Variants in CCBE1 observed in about 807,000 individuals in gnomAD.
The protein encoded by CCBE1 is collagen and calcium binding EGF domains 1, also known as collagen and calcium-binding EGF domain-containing protein 1.
CCBE1 carries 37 observed loss-of-function variants against 50.0 expected under a neutral mutation model. The observed-to-expected ratio is 0.74, with a 90% CI of 0.57 to 0.97. The LOEUF (loss-of-function observed/expected upper bound fraction) is 0.97, where lower values mean the gene tolerates loss of function less well. Ranked by LOEUF, CCBE1 falls within the 50% of genes least tolerant of loss-of-function variation. The pLI, the probability that CCBE1 is intolerant of heterozygous loss-of-function variation, is 0.00. For synonymous variants in CCBE1, 234 were observed against 203.7 expected, an observed-to-expected ratio of 1.15 and a Z score of -1.27; for missense variants, 538 against 523.8, an observed-to-expected ratio of 1.03 and a Z score of -0.26.
intron 2 of CCBE1, among the ~76,000 whole-genome samples, chr18:59,675,699 A>T (rs537064186): frequency 6.6e-6 from 1 of 152,230 alleles, no homozygotes; most frequent in East Asian, 1.9e-4. Flanking sequence ...GTTGGCCCAG[A>T]GTTTAGAAAC....
At chr18:59,694,630 G>A (rs898917599) in intron 2 of CCBE1, among the ~76,000 whole-genome samples, 20 of 152,170 alleles carry the variant, frequency 1.3e-4, no homozygotes, top group East Asian at 1.9e-4. Context: ...CATGCTGTGC[G>A]GCTGGTTTCC....
intron 2 of CCBE1, among the ~76,000 whole-genome samples, chr18:59,648,900 C>T (rs17836348): frequency 0.32 from 48,701 of 152,050 alleles, 8,112 homozygotes; most frequent in East Asian, 0.55. Flanking sequence ...TTTAGCTCCT[C>T]TCAGAGATGC....
rs1269362353 is a variant in CCBE1, at chr18:59,527,269, C to CT, written c.213-47032dup. Reference sequence around the variant, plus strand: ...TATGTAATGCCCTTTGTCTTTTTTTCTTTTTTTATCTCTGTTGGTTTGAAG... The same window carrying CT: ...TATGTAATGCCCTTTGTCTTTTTTTCTTTTTTTTATCTCTGTTGGTTTGAAG... On this transcript the variant is annotated intron_variant, in intron 2 of 10. Coordinates refer to ENST00000439986, the MANE Select transcript of CCBE1 (RefSeq NM_133459.4). 1.1e-4 allele frequency among the ~76,000 whole-genome samples: 17 copies of CT among 151,952 alleles called. No homozygotes were observed. In the East Asian group the frequency reaches 2.9e-3, roughly 26 times the overall value.
intron 2 of CCBE1, among the ~76,000 whole-genome samples, chr18:59,615,761 G>A (rs1051475263): frequency 6.6e-6 from 1 of 151,384 alleles, no homozygotes. Flanking sequence ...ACTTTAGAAG[G>A]CAAGATTTAC....
rs1598967321 is a variant in CCBE1, at chr18:59,513,329, T to A, written c.213-33091A>T. On this transcript the variant is annotated intron_variant, in intron 2 of 10. Transcript: ENST00000439986. ...AAAAAAACAAAACAAAACAAAAAAATTCAAGAAAGGGCACAGGTGCAGGTG... is the reference window on the plus strand; with the variant it reads ...AAAAAAACAAAACAAAACAAAAAAAATCAAGAAAGGGCACAGGTGCAGGTG... 2.8e-5 allele frequency among the ~76,000 whole-genome samples: 4 copies of A among 141,118 alleles called. No homozygotes were observed. In the South Asian group the frequency reaches 9.3e-4, roughly 33 times the overall value. The allele number at this position is 141,118 out of a possible 152,430, so 92.6% of individuals were successfully genotyped here. A position where few individuals can be genotyped will look rare whatever the true frequency, so the allele number is the denominator to read the frequency against.
At chr18:59,512,458 A>C (rs972842854) in intron 2 of CCBE1, among the ~76,000 whole-genome samples, 9 of 152,240 alleles carry the variant, frequency 5.9e-5, no homozygotes, top group African/African-American at 2.2e-4. Flanking sequence ...CATGCCCTGC[A>C]AGGGGGTACA....
At chr18:59,563,548 A>G (rs1174537719) in intron 2 of CCBE1, among the ~76,000 whole-genome samples, 1 of 152,204 alleles carries the variant, frequency 6.6e-6, no homozygotes, top group Non-Finnish European at 1.5e-5. Flanking sequence ...GCTGAGAAGC[A>G]GTAGACCCTA....
intron 3 of CCBE1, among the ~76,000 whole-genome samples, chr18:59,477,351 C>T (rs1043366671): frequency 8.5e-5 from 13 of 152,194 alleles, no homozygotes; most frequent in African/African-American, 2.9e-4. Flanking sequence ...AGGTGTGGGT[C>T]ACCTAACCAG....
In CCBE1 at chr18:59,658,879, C is replaced by CCA. The variant is rs2054242797; in HGVS notation, c.212+37749_212+37750insTG. The stretch of plus-strand genomic sequence containing the variant: ...TGGGCAACAGAGCAAGACTCTGTCT[C>CCA]AAAAAAAAAAAAAAAAAAAAAAAAA... On this transcript the variant is annotated intron_variant, in intron 2 of 10. Coordinates refer to ENST00000439986, the MANE Select transcript of CCBE1 (RefSeq NM_133459.4). Among the ~76,000 whole-genome samples the CCA allele has an allele frequency of 1.8e-4, 10 of 54,756 alleles. 1 individual carries two copies. Among genetic ancestry groups the CCA allele is most frequent in the Admixed American group, 8.7e-4 (3 of 3,448 alleles). 35.9% of individuals were successfully genotyped at this position (54,756 alleles called of 152,430 possible). A position where few individuals can be genotyped will look rare whatever the true frequency, so the allele number is the denominator to read the frequency against.
At chr18:59,443,633 AT>A (rs11337101) in intron 7 of CCBE1, among the ~76,000 whole-genome samples, 40,730 of 151,472 alleles carry the variant, frequency 0.27, 6,001 homozygotes, top group Middle Eastern at 0.39. Flanking sequence ...CCCCCGGCTA[AT>A]TTTTTTGTAT....
intron 2 of CCBE1, among the ~76,000 whole-genome samples, chr18:59,560,366 G>A (rs973358670): frequency 4.6e-5 from 7 of 152,158 alleles, no homozygotes; most frequent in South Asian, 2.1e-4. Flanking sequence ...ACTAAACACC[G>A]CATGTTCTCA....
At chr18:59,472,713 G>A (rs1912092237) in intron 3 of CCBE1, among the ~76,000 whole-genome samples, 1 of 152,146 alleles carries the variant, frequency 6.6e-6, no homozygotes, top group Admixed American at 6.5e-5. Context: ...CTCTTTTGTT[G>A]GATTCCTGTT....
chr18:59,556,563 G>A (rs901438532), intron 2 of CCBE1, among the ~76,000 whole-genome samples: 8 of 152,126 alleles, frequency 5.3e-5, no homozygotes, highest in East Asian at 1.9e-4. Flanking sequence ...CAGAGTCCCC[G>A]CAGCAGGGCA....
At chr18:59,631,302 T>C (rs1458955053) in intron 2 of CCBE1, among the ~76,000 whole-genome samples, 9 of 152,164 alleles carry the variant, frequency 5.9e-5, no homozygotes, top group African/African-American at 1.9e-4. Context: ...TGAATCCTGA[T>C]GATAGGGTTT....
At chr18:59,598,241 C>G (rs1401865287) in intron 2 of CCBE1, among the ~76,000 whole-genome samples, 1 of 152,164 alleles carries the variant, frequency 6.6e-6, no homozygotes, top group Non-Finnish European at 1.5e-5. Flanking sequence ...GTAGTGGGGA[C>G]TAGGTTAAGT....
intron 2 of CCBE1, among the ~76,000 whole-genome samples, chr18:59,496,018 G>A (rs1431274237): frequency 6.6e-6 from 1 of 152,210 alleles, no homozygotes; most frequent in Non-Finnish European, 1.5e-5. Context: ...TGTTTAATTA[G>A]AAGAGAGAAA....
At chr18:59,487,064 C>G (rs1008184090) in intron 2 of CCBE1, among the ~76,000 whole-genome samples, 6 of 150,350 alleles carry the variant, frequency 4.0e-5, no homozygotes, top group African/African-American at 1.2e-4. Flanking sequence ...TAAAGAACCT[C>G]TTCAATTTAA....
At chr18:59,656,075 G>T (rs954167551) in intron 2 of CCBE1, among the ~76,000 whole-genome samples, 1 of 152,196 alleles carries the variant, frequency 6.6e-6, no homozygotes, top group Admixed American at 6.5e-5. Context: ...CAAGGAGGAG[G>T]AGGTTATCCT....
intron 2 of CCBE1, among the ~76,000 whole-genome samples, chr18:59,695,123 A>G (rs1331659163): frequency 6.6e-6 from 1 of 152,236 alleles, no homozygotes; most frequent in Non-Finnish European, 1.5e-5. Flanking sequence ...TGTAACTGTC[A>G]CTGATTTATG....
Sources: gnomAD v4.1 joint callset for allele counts (sites outside exome capture counted in the v4.1 genomes callset) on GRCh38, gnomAD v4.1.1 for gene constraint, MANE v1.5 for transcripts, NCBI Gene and HGNC (gene_info 2026-07-23, HGNC 2026-07-21) for gene names.